The following FRMD6 variants were observed in gnomAD, a reference collection of about 807,000 sequenced individuals.
FRMD6 encodes FERM domain-containing protein 6.
Under a neutral mutation model 73.2 loss-of-function variants are expected in FRMD6, and 37 were observed. The ratio of observed to expected loss-of-function variants is 0.51; its 90% CI spans 0.39 to 0.66. The LOEUF is 0.66. Among genes scored for constraint, FRMD6 ranks in the 30% least tolerant of loss-of-function variants. The probability of loss-of-function intolerance (pLI) is 0.00; values close to 1 mark genes in which losing one functional copy is unlikely to be tolerated. For synonymous variants in FRMD6, 273 were observed against 282.2 expected (o/e 0.97, Z 0.33); for missense variants, 714 against 780.5 (o/e 0.91, Z 1.02).
At chr14:51,677,190 A>G (rs1317707207) in intron 1 of FRMD6, among the ~76,000 whole-genome samples, 2 of 152,150 alleles carry the variant, frequency 1.3e-5, no homozygotes, top group Admixed American at 1.3e-4. Context: ...ATGTAATGAC[A>G]TAGAAAATCC....
intron 10 of FRMD6, among the ~76,000 whole-genome samples, chr14:51,715,966 T>G (rs898481108): frequency 7.2e-5 from 11 of 152,318 alleles, no homozygotes; most frequent in African/African-American, 2.6e-4. Flanking sequence ...CACAGATGTG[T>G]CTGCAGCCTC....
chr14:51,444,283 C>G, the FRMD6 span, among the ~76,000 whole-genome samples: 2 of 152,186 alleles, frequency 1.3e-5, no homozygotes, highest in Non-Finnish European at 2.9e-5. Context: ...GCCCCACTGG[C>G]AAGAGGCTTA....
intron 1 of FRMD6, among the ~76,000 whole-genome samples, chr14:51,498,850 C>T (rs986310562): frequency 2.0e-5 from 3 of 152,332 alleles, no homozygotes; most frequent in Non-Finnish European, 2.9e-5. Flanking sequence ...AAATCTACCA[C>T]TAGATCTCAT....
At chr14:51,620,645 G>A (rs1256365320) in intron 2 of FRMD6, among the ~76,000 whole-genome samples, 1 of 152,162 alleles carries the variant, frequency 6.6e-6, no homozygotes. Context: ...TTCCCAAGAA[G>A]TCTTGTCCAC....
intron 2 of FRMD6, among the ~76,000 whole-genome samples, chr14:51,585,344 AC>A (rs1186168752): frequency 7.2e-5 from 11 of 152,076 alleles, no homozygotes; most frequent in African/African-American, 2.4e-4. Flanking sequence ...GGAGGGAGTG[AC>A]CCCTTTCTCC....
intron 2 of FRMD6, 56 bp downstream of exon 2, chr14:51,689,991 A>G (rs1337551843): frequency 1.7e-5 from 18 of 1,089,342 alleles, no homozygotes; most frequent in Admixed American, 5.2e-5. Flanking sequence ...CAGTGGCCAC[A>G]TTCAACTTAT....
At chr14:51,522,697 A>G (rs1404940670) in intron 1 of FRMD6, among the ~76,000 whole-genome samples, 3 of 152,242 alleles carry the variant, frequency 2.0e-5, no homozygotes, top group Non-Finnish European at 4.4e-5. Flanking sequence ...GGAATGTTGC[A>G]TTTTCTTTTG....
intron 1 of FRMD6, among the ~76,000 whole-genome samples, chr14:51,659,536 A>G (rs986238585): frequency 2.6e-5 from 4 of 152,220 alleles, no homozygotes; most frequent in African/African-American, 9.7e-5. Context: ...GGCCTGTTGC[A>G]CTGATTACTA....
intron 2 of FRMD6, among the ~76,000 whole-genome samples, chr14:51,580,202 G>A (rs1235319193): frequency 6.6e-6 from 1 of 152,078 alleles, no homozygotes; most frequent in South Asian, 2.1e-4. Context: ...ACCTCTCGTG[G>A]AATGAACAAC....
intron 5 of FRMD6, among the ~76,000 whole-genome samples, chr14:51,703,188 C>T: frequency 6.6e-6 from 1 of 151,980 alleles, no homozygotes; most frequent in East Asian, 1.9e-4. Context: ...GAGGTGTGTG[C>T]ATGAACAGTA....
chr14:51,708,021 G>A (rs968891708), intron 6 of FRMD6, 57 bp from the exon 7 acceptor site: 137 of 1,543,600 alleles, frequency 8.9e-5, no homozygotes, highest in Non-Finnish European at 4.8e-5. Context: ...GGGGGTGGGG[G>A]TAGAACTTAC....
the FRMD6 span, among the ~76,000 whole-genome samples, chr14:51,423,930 C>A: frequency 2.6e-5 from 4 of 152,108 alleles, no homozygotes; most frequent in Admixed American, 2.0e-4. Flanking sequence ...ATGTATAATT[C>A]TTGAATACAA....
At chr14:51,623,393 C>T (rs976449738) in intron 2 of FRMD6, among the ~76,000 whole-genome samples, 2 of 152,132 alleles carry the variant, frequency 1.3e-5, no homozygotes, top group Non-Finnish European at 2.9e-5. Context: ...TCCTGAATGC[C>T]ACAGATCCAA....
intron 2 of FRMD6, among the ~76,000 whole-genome samples, chr14:51,589,349 GGT>G (rs1261226283): frequency 2.0e-3 from 43 of 21,226 alleles, no homozygotes; most frequent in Admixed American, 5.5e-3. Context: ...TTTTGTTTTT[GGT>G]TTTTTTTGTT....
intron 1 of FRMD6, among the ~76,000 whole-genome samples, chr14:51,569,466 C>G (rs889813647): frequency 6.0e-5 from 9 of 150,182 alleles, no homozygotes; most frequent in African/African-American, 2.0e-4. Flanking sequence ...ATTATTGTCA[C>G]TTTCTATTTA....
upstream of FRMD6, chr14:51,650,419 G>C (rs2140078010): frequency 7.4e-6 from 1 of 135,868 alleles, no homozygotes; most frequent in Admixed American, 7.5e-5. Context: ...TTTTTGAGAC[G>C]GAGTCTCGCT....
intron 2 of FRMD6, chr14:51,579,399 A>C (rs1448481874): frequency 6.6e-6 from 1 of 152,144 alleles, no homozygotes; most frequent in Non-Finnish European, 1.5e-5. Context: ...TGCTGATCCC[A>C]TGGCTGTTCC....
chr14:51,652,264 G>C (rs1481791935), intron 1 of FRMD6: 1 of 152,422 alleles, frequency 6.6e-6, no homozygotes, highest in Non-Finnish European at 1.5e-5. Flanking sequence ...TCTGGGACGG[G>C]CGGACGAGGC....
chr14:51,463,397 C>T, the FRMD6 span, among the ~76,000 whole-genome samples: 1 of 152,186 alleles, frequency 6.6e-6, no homozygotes, highest in Non-Finnish European at 1.5e-5. Context: ...TGTATGGATT[C>T]AGTGTAGTAC....
Sources: gnomAD v4.1 joint callset for allele counts (sites outside exome capture counted in the v4.1 genomes callset) on GRCh38, gnomAD v4.1.1 for gene constraint, MANE v1.5 for transcripts, NCBI Gene and HGNC (gene_info 2026-07-23, HGNC 2026-07-21) for gene names.